The following CDH8 variants were observed in gnomAD, a reference collection of about 807,000 sequenced individuals.
The protein encoded by CDH8 is cadherin-8.
Under a neutral mutation model 68.1 loss-of-function variants are expected in CDH8, and 17 were observed. The observed-to-expected ratio is 0.25, with a 90% CI of 0.17 to 0.37. The LOEUF is 0.37. CDH8 is among the 10% of genes least tolerant of loss of function. CDH8 has a pLI of 1.00. For missense variants in CDH8, 763 were observed against 999.3 expected (o/e 0.76, Z 3.19); for synonymous variants, 372 against 365.1 (o/e 1.02, Z -0.21).
intron 2 of CDH8, among the ~76,000 whole-genome samples, chr16:62,011,847 CAT>C (rs1279277830): frequency 9.2e-5 from 14 of 152,282 alleles, no homozygotes; most frequent in African/African-American, 3.4e-4. Context: ...GATTCCTAAA[CAT>C]ATTAAAATCT....
intron 9 of CDH8, among the ~76,000 whole-genome samples, chr16:61,718,691 C>T (rs1959195964): frequency 6.6e-6 from 1 of 151,126 alleles, no homozygotes; most frequent in African/African-American, 2.4e-5. Context: ...AGGAATGATC[C>T]ATGAATGAGC....
At chr16:61,942,570 A>G (rs1964741448) in intron 2 of CDH8, among the ~76,000 whole-genome samples, 1 of 152,114 alleles carries the variant, frequency 6.6e-6, no homozygotes, top group Non-Finnish European at 1.5e-5. Flanking sequence ...ATCTTGATTC[A>G]CATAGTGACC....
intron 8 of CDH8, among the ~76,000 whole-genome samples, chr16:61,788,299 C>A (rs1961287699): frequency 6.6e-6 from 1 of 152,092 alleles, no homozygotes; most frequent in Non-Finnish European, 1.5e-5. Flanking sequence ...TTCACATTAG[C>A]TGCCAGACAG....
At chr16:61,842,054 A>ATTTTTTTTTT (rs543607290) in intron 4 of CDH8, among the ~76,000 whole-genome samples, 7 of 132,372 alleles carry the variant, frequency 5.3e-5, no homozygotes, top group Admixed American at 2.3e-4. Context: ...CGCCCGGCTA[A>ATTTTTTTTTT]TTTTTTTTTT....
At chr16:61,956,654 G>T (rs139852666) in intron 2 of CDH8, among the ~76,000 whole-genome samples, 45 of 151,962 alleles carry the variant, frequency 3.0e-4, no homozygotes, top group African/African-American at 1.0e-3. Context: ...GTATTTCCTT[G>T]GCAGGAATTT....
At chr16:62,030,856 G>A (rs1439573795) in intron 1 of CDH8, among the ~76,000 whole-genome samples, 1 of 152,158 alleles carries the variant, frequency 6.6e-6, no homozygotes, top group East Asian at 1.9e-4. Flanking sequence ...CTATATGTGA[G>A]GGCCAGGTAT....
At chr16:61,787,288 A>G (rs1156311378) in intron 8 of CDH8, among the ~76,000 whole-genome samples, 1 of 148,016 alleles carries the variant, frequency 6.8e-6, no homozygotes, top group East Asian at 2.0e-4. Flanking sequence ...AAGGACATGA[A>G]CAGACACTTC....
chr16:61,767,128 C>T (rs919600922), intron 8 of CDH8, among the ~76,000 whole-genome samples: 3 of 151,792 alleles, frequency 2.0e-5, no homozygotes, highest in South Asian at 2.1e-4. Context: ...AAATGATTTC[C>T]GCATGACTTG....
intron 4 of CDH8, among the ~76,000 whole-genome samples, chr16:61,840,863 TG>T (rs1266249069): frequency 6.6e-6 from 1 of 152,096 alleles, no homozygotes; most frequent in African/African-American, 2.4e-5. Context: ...CAAACCACCA[TG>T]GCACACATTT....
intron 8 of CDH8, among the ~76,000 whole-genome samples, chr16:61,753,858 T>G (rs1392253169): frequency 6.6e-6 from 1 of 152,072 alleles, no homozygotes; most frequent in Non-Finnish European, 1.5e-5. Flanking sequence ...GTAATAATAA[T>G]AAGTAATAAG....
intron 7 of CDH8, among the ~76,000 whole-genome samples, chr16:61,815,954 T>C (rs1225431432): frequency 2.6e-5 from 4 of 152,116 alleles, no homozygotes; most frequent in Non-Finnish European, 5.9e-5. Flanking sequence ...TTAATGCCAA[T>C]GTAAATTTTT....
chr16:61,781,369 G>A (rs555424970), intron 8 of CDH8, among the ~76,000 whole-genome samples: 1 of 152,274 alleles, frequency 6.6e-6, no homozygotes, highest in Admixed American at 6.5e-5. Flanking sequence ...CCAGCAGGAG[G>A]ATCAGTGGAG....
At chr16:62,013,796 G>GTT (rs933878793) in intron 2 of CDH8, among the ~76,000 whole-genome samples, 2 of 151,976 alleles carry the variant, frequency 1.3e-5, no homozygotes, top group African/African-American at 4.8e-5. Flanking sequence ...CTCTGAACTT[G>GTT]TTTTTTTATA....
intron 2 of CDH8, among the ~76,000 whole-genome samples, chr16:61,999,200 T>C (rs532216799): frequency 6.6e-6 from 1 of 152,300 alleles, no homozygotes; most frequent in Admixed American, 6.5e-5. Flanking sequence ...TACTGCCTCA[T>C]TTAAGCCAAA....
intron 4 of CDH8, among the ~76,000 whole-genome samples, chr16:61,827,843 G>T (rs1962373709): frequency 6.6e-6 from 1 of 151,742 alleles, no homozygotes; most frequent in African/African-American, 2.4e-5. Context: ...TGTCATTTTT[G>T]ACTCCCCCAA....
intron 2 of CDH8, among the ~76,000 whole-genome samples, chr16:61,985,717 T>C (rs1262118808): frequency 6.6e-6 from 1 of 152,080 alleles, no homozygotes; most frequent in Admixed American, 6.6e-5. Flanking sequence ...GGTCTCGAAC[T>C]CCTGACCTAA....
chr16:61,768,380 CTCTCTCTCTCTCTCCCTT>C lies in CDH8; in HGVS notation c.1414+20948_1414+20965del, dbSNP rs1404724993. Among the ~76,000 whole-genome samples the C allele has an allele frequency of 6.4e-4, 67 of 105,430 alleles. 3 individuals are homozygous for C. The highest frequency in any genetic ancestry group is 1.1e-3 in the African/African-American group (25 of 23,218). The allele number at this position is 105,430 out of a possible 152,430, so 69.2% of individuals were successfully genotyped here. A position where few individuals can be genotyped will look rare whatever the true frequency, so the allele number is the denominator to read the frequency against. On this transcript the variant is annotated intron_variant, in intron 8 of 11. Transcript: ENST00000577390. The stretch of plus-strand genomic sequence containing the variant: ...TCTCTCTCTCTCTCCCTTTCTCTCT[CTCTCTCTCTCTCTCCCTT>C]TCTCTCTCTCTCTCTCTCTCTCTCT...
At chr16:61,763,908 G>A (rs1019301776) in intron 8 of CDH8, among the ~76,000 whole-genome samples, 1 of 152,052 alleles carries the variant, frequency 6.6e-6, no homozygotes. Flanking sequence ...ATGGAGCAAG[G>A]CATACATTCA....
chr16:61,872,344 T>C (rs887842813), intron 3 of CDH8, among the ~76,000 whole-genome samples: 4 of 152,212 alleles, frequency 2.6e-5, no homozygotes, highest in African/African-American at 9.7e-5. Context: ...AGATTGTTTC[T>C]ATGCATTTTA....
Sources: gnomAD v4.1 joint callset for allele counts (sites outside exome capture counted in the v4.1 genomes callset) on GRCh38, gnomAD v4.1.1 for gene constraint, MANE v1.5 for transcripts, NCBI Gene and HGNC (gene_info 2026-07-23, HGNC 2026-07-21) for gene names.